SMARCA2: variants seen among roughly 807,000 people sequenced by gnomAD.
SMARCA2 encodes the protein SWI/SNF related BAF chromatin remodeling complex subunit ATPase 2.
Under a neutral mutation model 199.8 loss-of-function variants are expected in SMARCA2, and 61 were observed. That is an observed-to-expected ratio of 0.31 (90% CI 0.25 to 0.38). The LOEUF (loss-of-function observed/expected upper bound fraction) is 0.38. Ranked by LOEUF, SMARCA2 falls within the 10% of genes least tolerant of loss-of-function variation. The probability of loss-of-function intolerance (pLI) is 1.00; values close to 1 mark genes in which losing one functional copy is unlikely to be tolerated. For missense variants in SMARCA2, 1,344 were observed against 2,012.2 expected (o/e 0.67, Z 6.35); for synonymous variants, 935 against 732.0 (o/e 1.28, Z -4.48).
chr9:2,130,710 C>G (rs941523015), intron 27 of SMARCA2, among the ~76,000 whole-genome samples: 9 of 151,862 alleles, frequency 5.9e-5, no homozygotes, highest in African/African-American at 2.2e-4. Flanking sequence ...TACATACATA[C>G]ATATATATAT....
intron 13 of SMARCA2, among the ~76,000 whole-genome samples, chr9:2,076,870 C>G (rs1388906097): frequency 2.6e-5 from 4 of 152,060 alleles, no homozygotes; most frequent in Non-Finnish European, 5.9e-5. Flanking sequence ...TGTGGGCCCT[C>G]TACGTCAAGG....
chr9:2,152,754 G>A (rs4741646), intron 27 of SMARCA2, among the ~76,000 whole-genome samples: 119,840 of 151,508 alleles, frequency 0.79, 47,527 homozygotes, highest in Middle Eastern at 0.89. Context: ...TGAGAGTCTT[G>A]GGCAGGAGAA....
At chr9:2,167,641 C>T (rs902767551) in intron 28 of SMARCA2, among the ~76,000 whole-genome samples, 2 of 152,238 alleles carry the variant, frequency 1.3e-5, no homozygotes, top group Non-Finnish European at 2.9e-5. Context: ...ATGTGTTCTT[C>T]TTGCCCCTAA....
At chr9:2,021,164 T>C (rs999562606) in intron 1 of SMARCA2, among the ~76,000 whole-genome samples, 2 of 152,194 alleles carry the variant, frequency 1.3e-5, no homozygotes, top group Non-Finnish European at 2.9e-5. Flanking sequence ...AGCAGTAATA[T>C]TTTAGAAACT....
intron 27 of SMARCA2, among the ~76,000 whole-genome samples, chr9:2,138,360 C>A (rs773589532): frequency 7.2e-6 from 1 of 138,660 alleles, no homozygotes; most frequent in Non-Finnish European, 1.5e-5. Context: ...GTGGATGACA[C>A]CATGACCCTT....
chr9:2,178,531 C>A (rs539901247), intron 29 of SMARCA2, among the ~76,000 whole-genome samples: 7 of 152,160 alleles, frequency 4.6e-5, no homozygotes, highest in African/African-American at 1.4e-4. Flanking sequence ...CAACATTGTA[C>A]AATTAGACTA....
intron 21 of SMARCA2, 49 bp downstream of exon 21, chr9:2,097,520 T>C (rs1822321032): frequency 5.6e-6 from 6 of 1,080,670 alleles, no homozygotes; most frequent in African/African-American, 4.9e-5. Context: ...ATCATACTAA[T>C]GCTAGTTAAA....
intron 33 of SMARCA2, chr9:2,191,887 T>A (rs1453182222): frequency 6.5e-6 from 1 of 153,384 alleles, no homozygotes; most frequent in Admixed American, 6.5e-5. Context: ...ATTTTTCATA[T>A]TTGAAAAATT....
chr9:2,164,247 T>G (rs1369363771), intron 28 of SMARCA2, among the ~76,000 whole-genome samples: 1 of 152,204 alleles, frequency 6.6e-6, no homozygotes, highest in Non-Finnish European at 1.5e-5. Flanking sequence ...GGCTGACCAC[T>G]TTCCTAGAAA....
chr9:2,053,361 T>C (rs187416223), intron 5 of SMARCA2, among the ~76,000 whole-genome samples: 2 of 152,368 alleles, frequency 1.3e-5, no homozygotes, highest in Non-Finnish European at 2.9e-5. Context: ...TTTCAGCTTT[T>C]ATAGTTGAGG....
intron 28 of SMARCA2, among the ~76,000 whole-genome samples, chr9:2,168,461 G>T (rs1826053782): frequency 6.6e-6 from 1 of 152,166 alleles, no homozygotes; most frequent in Non-Finnish European, 1.5e-5. Flanking sequence ...TCTGCTGAAG[G>T]CCTACATATA....
intron 1 of SMARCA2, among the ~76,000 whole-genome samples, chr9:2,015,653 G>A (rs1029352789): frequency 6.6e-6 from 1 of 152,188 alleles, no homozygotes; most frequent in Admixed American, 6.5e-5. Context: ...CCCAGGCGGC[G>A]GTGGAAGAAA....
At position 2,023,816 on chromosome 9, in the gene SMARCA2, A is replaced by G. The variant is rs113290230; in HGVS notation, c.-36-5171A>G. Reference sequence around the variant, plus strand: ...GGGTGAATTATCAATTCATTTACAGAGAAAGCCACATACAAAACAAGAGGC... The same window carrying G: ...GGGTGAATTATCAATTCATTTACAGGGAAAGCCACATACAAAACAAGAGGC... On this transcript the variant is annotated intron_variant, in intron 1 of 33. Coordinates refer to ENST00000349721, the MANE Select transcript of SMARCA2 (RefSeq NM_003070.5). Among the ~76,000 whole-genome samples, 317 of 152,342 alleles carry G rather than the reference A, an allele frequency of 2.1e-3. 2 individuals are homozygous for G. Among genetic ancestry groups the G allele is most frequent in the African/African-American group, 7.0e-3 (290 of 41,568 alleles).
chr9:2,186,772 CGCCTCG>C (rs1198627513), intron 32 of SMARCA2, among the ~76,000 whole-genome samples: 1 of 152,224 alleles, frequency 6.6e-6, no homozygotes, highest in Non-Finnish European at 1.5e-5. Flanking sequence ...GTGATCCACC[CGCCTCG>C]GCCTCCCAAA....
intron 1 of SMARCA2, among the ~76,000 whole-genome samples, chr9:2,018,779 A>G (rs1175540321): frequency 6.6e-6 from 1 of 152,210 alleles, no homozygotes; most frequent in Non-Finnish European, 1.5e-5. Flanking sequence ...ACCCAATGTT[A>G]TGTGTGTGTA....
chr9:2,087,163 G>A (rs1028317109), intron 18 of SMARCA2, 92 bp downstream of exon 18: 17 of 1,477,480 alleles, frequency 1.2e-5, no homozygotes, highest in South Asian at 8.8e-5. Context: ...CAGAACACCC[G>A]CAGGGTGGTT....
At chr9:2,093,355 A>G (rs150692400) in intron 19 of SMARCA2, among the ~76,000 whole-genome samples, 18 of 152,342 alleles carry the variant, frequency 1.2e-4, no homozygotes, top group African/African-American at 4.1e-4. Context: ...CTTCACTGAT[A>G]TTTAACATGC....
At chr9:2,059,672 A>G (rs914179953) in intron 8 of SMARCA2, among the ~76,000 whole-genome samples, 1 of 152,204 alleles carries the variant, frequency 6.6e-6, no homozygotes, top group Non-Finnish European at 1.5e-5. Context: ...AAGTGAGTTC[A>G]ACCATAACCG....
rs1825586825 is a variant in SMARCA2 at position 2,160,151 on chromosome 9, T to G, written c.3982-1535T>G. ...TAATCTTCGCTTAGCTGCAGTGTGTTTAGCTGTATAGTGGGTGTCCTGCTT... is the reference window on the plus strand; with the variant it reads ...TAATCTTCGCTTAGCTGCAGTGTGTGTAGCTGTATAGTGGGTGTCCTGCTT... On this transcript the variant is annotated intron_variant, in intron 27 of 33. Transcript: ENST00000349721. 4 of 534,192 alleles carry G rather than the reference T, an allele frequency of 7.5e-6. No homozygotes were observed. The Admixed American group carries it at 1.3e-4, about 18-fold the overall frequency. 33.1% of individuals were successfully genotyped at this position (534,192 alleles called of 1,614,324 possible). A position where few individuals can be genotyped will look rare whatever the true frequency, so the allele number is the denominator to read the frequency against.
Sources: gnomAD v4.1 joint callset for allele counts (sites outside exome capture counted in the v4.1 genomes callset) on GRCh38, gnomAD v4.1.1 for gene constraint, MANE v1.5 for transcripts, NCBI Gene and HGNC (gene_info 2026-07-23, HGNC 2026-07-21) for gene names.